The following NHSL1 variants were observed in gnomAD, a reference collection of about 807,000 sequenced individuals.
NHSL1 encodes the protein NHS like 1, also known as NHS-like protein 1.
In NHSL1, 48 loss-of-function variants were observed where a neutral mutation model predicts 95.0. The ratio of observed to expected loss-of-function variants is 0.51; its 90% CI spans 0.40 to 0.64. The LOEUF (loss-of-function observed/expected upper bound fraction) is 0.64, where lower values mean the gene tolerates loss of function less well. Ranked by LOEUF, NHSL1 falls within the 30% of genes least tolerant of loss-of-function variation. The probability of loss-of-function intolerance (pLI) is 0.00; values close to 1 mark genes in which losing one functional copy is unlikely to be tolerated. For missense variants in NHSL1, 1,971 were observed against 2,077.7 expected (o/e 0.95, Z 1.00); for synonymous variants, 783 against 833.9 (o/e 0.94, Z 1.05).
chr6:138,455,657 C>G (rs954185782), intron 3 of NHSL1, among the ~76,000 whole-genome samples: 2 of 152,168 alleles, frequency 1.3e-5, no homozygotes, highest in African/African-American at 2.4e-5. Context: ...ATAGTAATAG[C>G]TATTAAAATA....
chr6:138,577,680 G>A (rs1783991980), intron 1 of NHSL1, among the ~76,000 whole-genome samples: 2 of 152,034 alleles, frequency 1.3e-5, no homozygotes, highest in Non-Finnish European at 2.9e-5. Context: ...AACCCACAGG[G>A]ACCTTTAGCT....
chr6:138,466,081 C>T (rs1351428799), intron 3 of NHSL1, among the ~76,000 whole-genome samples: 2 of 146,592 alleles, frequency 1.4e-5, no homozygotes, highest in Non-Finnish European at 3.0e-5. Flanking sequence ...GCTTAGTTGC[C>T]CAGGCTGGAG....
chr6:138,473,166 G>T, intron 3 of NHSL1, 140 bp downstream of exon 3: 1 of 742,124 alleles, frequency 1.3e-6, no homozygotes, highest in Non-Finnish European at 1.9e-6. Flanking sequence ...TGGCGCATTT[G>T]TCAAAACCAA....
chr6:138,590,597 T>C (rs1489120205), intron 1 of NHSL1, among the ~76,000 whole-genome samples: 2 of 152,142 alleles, frequency 1.3e-5, no homozygotes, highest in Non-Finnish European at 2.9e-5. Flanking sequence ...CTGCCTTCCA[T>C]TTCATCCCCA....
At position 138,433,254 on chromosome 6, in the gene NHSL1, T is replaced by C. The variant is rs1775837735; in HGVS notation, c.1091A>G (p.Asp364Gly). The change falls in exon 6 of 8, where the codon GAT (aspartate) becomes GGT (glycine). Residue 364 changes from aspartate to glycine, a missense_variant. By Grantham distance (94) the Asp-to-Gly change is moderately conservative. Around this residue, in one of 3 missense-constraint regions of NHSL1, gnomAD observed 1,602 missense variants for 1,654.5 expected, o/e 0.97. Coordinates refer to ENST00000343505, the MANE Select transcript of NHSL1 (RefSeq NM_001144060.2). ...FLYQRGHPQADENLGHLGGAS... is the reference protein window; with the variant it reads ...FLYQRGHPQAGENLGHLGGAS... ...ACCTCCTAAATGGCCTAAGTTTTCATCTGCTTGTGGGTGACCTCTCTGGTA... is the reference window on the plus strand; with the variant it reads ...ACCTCCTAAATGGCCTAAGTTTTCACCTGCTTGTGGGTGACCTCTCTGGTA... The C allele has an allele frequency of 9.7e-6, 15 of 1,551,440 alleles. No homozygotes were observed. Among genetic ancestry groups the C allele is most frequent in the Non-Finnish European group, 1.2e-5 (14 of 1,146,968 alleles).
At chr6:138,581,563 GTGCCTGTAATCCCAGC>G (rs1237230447) in intron 1 of NHSL1, among the ~76,000 whole-genome samples, 2 of 151,906 alleles carry the variant, frequency 1.3e-5, no homozygotes, top group East Asian at 3.9e-4. Context: ...ATGGTCGTGT[GTGCCTGTAATCCCAGC>G]TGCTTGGGAG....
At chr6:138,616,386 C>T (rs1784578145) in intron 1 of NHSL1, among the ~76,000 whole-genome samples, 2 of 152,106 alleles carry the variant, frequency 1.3e-5, no homozygotes, top group Non-Finnish European at 2.9e-5. Context: ...AAGGAGAATA[C>T]TCACTGGGAT....
chr6:138,687,671 A>G (rs1487103669), intron 1 of NHSL1, among the ~76,000 whole-genome samples: 1 of 152,232 alleles, frequency 6.6e-6, no homozygotes, highest in Non-Finnish European at 1.5e-5. Context: ...TTCAATCATA[A>G]AAGTCTTAAT....
chr6:138,523,881 T>C (rs1226020019), intron 1 of NHSL1, among the ~76,000 whole-genome samples: 1 of 152,184 alleles, frequency 6.6e-6, no homozygotes, highest in East Asian at 1.9e-4. Context: ...AAACATAGAA[T>C]AGTCTTTAGG....
intron 1 of NHSL1, among the ~76,000 whole-genome samples, chr6:138,626,242 A>AAAAC (rs1358994912): frequency 6.6e-6 from 1 of 152,228 alleles, no homozygotes; most frequent in East Asian, 1.9e-4. Flanking sequence ...TGATCAGTCC[A>AAAAC]CTTGCTTGAA....
At chr6:138,486,591 C>A (rs144256395) in intron 2 of NHSL1, among the ~76,000 whole-genome samples, 1 of 152,144 alleles carries the variant, frequency 6.6e-6, no homozygotes, top group Non-Finnish European at 1.5e-5. Context: ...CAACCGCCCC[C>A]CTCCTCACCA....
At chr6:138,675,768 A>G (rs761608141) in intron 1 of NHSL1, among the ~76,000 whole-genome samples, 5 of 152,142 alleles carry the variant, frequency 3.3e-5, no homozygotes, top group Non-Finnish European at 7.3e-5. Context: ...TCCTGACCTC[A>G]GGTGATTCAC....
chr6:138,454,663 A>G (rs1777467169), intron 3 of NHSL1, among the ~76,000 whole-genome samples: 1 of 152,258 alleles, frequency 6.6e-6, no homozygotes, highest in Admixed American at 6.5e-5. Context: ...ATATGTATAG[A>G]TTATTTTATG....
chr6:138,516,880 G>A (rs567543090), intron 1 of NHSL1, among the ~76,000 whole-genome samples: 7 of 151,944 alleles, frequency 4.6e-5, no homozygotes, highest in Admixed American at 2.6e-4. Context: ...AGCAATCCTC[G>A]TGCCTCAGCC....
chr6:138,658,200 C>T (rs987446361), intron 1 of NHSL1, among the ~76,000 whole-genome samples: 8 of 152,102 alleles, frequency 5.3e-5, no homozygotes, highest in Non-Finnish European at 8.8e-5. Context: ...TTAAGGTGTA[C>T]AACACGATTT....
chr6:138,677,019 A>G (rs1785457925), intron 1 of NHSL1, among the ~76,000 whole-genome samples: 1 of 152,212 alleles, frequency 6.6e-6, no homozygotes, highest in South Asian at 2.1e-4. Context: ...AGTGGATTAT[A>G]CTGTACTAAC....
rs1451732320 is a variant in NHSL1 at position 138,427,465 on chromosome 6, A to T, written c.4085+2246T>A. ...TATCAAAAAGAAAAAAAAAAAAAGG[A>T]AGAAAGATGGGATTTTATGAAAGCA... On this transcript the variant is annotated intron_variant, in intron 7 of 7. Transcript: ENST00000343505. Among the ~76,000 whole-genome samples the T allele has an allele frequency of 2.0e-5, 3 of 151,950 alleles. No homozygotes were observed. In the East Asian group the frequency reaches 5.8e-4, roughly 29 times the overall value.
chr6:138,596,127 A>C (rs1784300477), intron 1 of NHSL1, among the ~76,000 whole-genome samples: 1 of 152,198 alleles, frequency 6.6e-6, no homozygotes, highest in Non-Finnish European at 1.5e-5. Context: ...TCCAGTAGTC[A>C]ATGGTCGATC....
At position 138,424,812 on chromosome 6, in the gene NHSL1, T is replaced by C; in HGVS notation, c.4090A>G (p.Lys1364Glu). The change falls in exon 8 of 8, where the codon AAA (lysine) becomes GAA (glutamate). Residue 1364 changes from lysine to glutamate, a missense_variant. Lys to Glu is a moderately conservative substitution (Grantham distance 56, BLOSUM62 1). Coordinates refer to ENST00000343505, the MANE Select transcript of NHSL1 (RefSeq NM_001144060.2). This position sits in a 1 kb window ranked among gnomAD's most constrained non-coding sequence, Gnocchi z 5.9. ...TCTCTACGGCCGAGGACTTTCCTTT[T>C]GGATCTGAGATTTAATAACATTAAG... ...EDLFAAIHRS[K>E]RKVLGRRDSD... 3 of 1,548,700 alleles carry C rather than the reference T, an allele frequency of 1.9e-6. No individual in the cohort carries two copies. Among genetic ancestry groups the C allele is most frequent in the Non-Finnish European group, 2.6e-6 (3 of 1,145,072 alleles).
Sources: allele counts gnomAD v4.1 joint callset (sites outside exome capture counted in the v4.1 genomes callset), GRCh38; gene constraint gnomAD v4.1.1; regional missense constraint gnomAD v4.1.1; non-coding constraint Gnocchi (gnomAD v3.1); transcripts MANE v1.5; gene names NCBI Gene and HGNC (gene_info 2026-07-23, HGNC 2026-07-21).